TENT4B: variants seen among roughly 807,000 people sequenced by gnomAD.
TENT4B encodes PAP associated domain containing 5.
Under a neutral mutation model 75.0 loss-of-function variants are expected in TENT4B, and 10 were observed. That is an observed-to-expected ratio of 0.13 (90% CI 0.08 to 0.23). TENT4B has a LOEUF of 0.23. Among genes scored for constraint, TENT4B ranks in the 10% least tolerant of loss-of-function variants. TENT4B has a pLI of 1.00. For missense variants in TENT4B, 579 were observed against 893.8 expected (o/e 0.65, Z 4.49); for synonymous variants, 350 against 357.7 (o/e 0.98, Z 0.24).
Position 50,227,822 on chromosome 16 carries a change from C to T in TENT4B, c.1801-17C>T. On this transcript the variant is annotated splice_polypyrimidine_tract_variant and intron_variant, in intron 10 of 11. Coordinates refer to ENST00000561678, the MANE Select transcript of TENT4B (RefSeq NM_001365324.3). Reference sequence around the variant, plus strand: ...ATTACTAATATGTCACATTATAACTCACGTGACTTGTGTTAGGATTCCGAT... The same window carrying T: ...ATTACTAATATGTCACATTATAACTTACGTGACTTGTGTTAGGATTCCGAT... 1 of 1,612,720 alleles carries T rather than the reference C, an allele frequency of 6.2e-7. No homozygotes were observed. Among genetic ancestry groups the T allele is most frequent in the Admixed American group, 1.7e-5 (1 of 59,986 alleles).
chr16:50,190,252 C>T (rs1567493717), intron 1 of TENT4B, among the ~76,000 whole-genome samples: 1 of 151,836 alleles, frequency 6.6e-6, no homozygotes, highest in Non-Finnish European at 1.5e-5. Context: ...ATGATATCTA[C>T]TTGAGCTGTT....
chr16:50,184,814 G>C (rs755319332), intron 1 of TENT4B, among the ~76,000 whole-genome samples: 1 of 151,920 alleles, frequency 6.6e-6, no homozygotes, highest in Non-Finnish European at 1.5e-5. Context: ...AGCCTCCTCC[G>C]CCCCCTGGTT....
chr16:50,153,183 T>TGGGGGGGGGGGGGGGGGGGGG (rs760198722), upstream of TENT4B, among the ~76,000 whole-genome samples: 1 of 21,120 alleles, frequency 4.7e-5, no homozygotes, highest in Non-Finnish European at 9.5e-5. Flanking sequence ...GGCGGGGCGG[T>TGGGGGGGGGGGGGGGGGGGGG]GGGGGGGGGG....
At chr16:50,229,099 A>C (rs1216869758) in intron 11 of TENT4B, 53 bp from the exon 12 acceptor site, 1 of 1,590,858 alleles carries the variant, frequency 6.3e-7, no homozygotes, top group Non-Finnish European at 8.5e-7. Context: ...GTTTGAGAAC[A>C]CTCTGCTTTT....
chr16:50,222,132 C>CCATT (rs1159168550), intron 5 of TENT4B, among the ~76,000 whole-genome samples, 174 bp from the exon 6 acceptor site: 7 of 152,034 alleles, frequency 4.6e-5, no homozygotes, highest in African/African-American at 1.7e-4. Context: ...AAGGGGAGAA[C>CCATT]CATTCATTAC....
intron 5 of TENT4B, among the ~76,000 whole-genome samples, chr16:50,219,503 A>G (rs1325585513): frequency 2.0e-5 from 3 of 152,194 alleles, no homozygotes; most frequent in Non-Finnish European, 4.4e-5. Flanking sequence ...TGCTATTAGA[A>G]AAAGGGATTG....
intron 1 of TENT4B, among the ~76,000 whole-genome samples, chr16:50,182,930 G>A (rs2038449005): frequency 4.7e-5 from 1 of 21,494 alleles, no homozygotes; most frequent in Admixed American, 7.8e-4. Flanking sequence ...TTTGAGTTAG[G>A]CCAAGTTGCC....
intron 1 of TENT4B, among the ~76,000 whole-genome samples, chr16:50,168,641 A>G (rs894166039): frequency 6.8e-6 from 1 of 147,682 alleles, no homozygotes; most frequent in African/African-American, 2.5e-5. Flanking sequence ...AACAAATTCC[A>G]TATCACATAA....
intron 1 of TENT4B, among the ~76,000 whole-genome samples, chr16:50,210,860 A>G (rs954621683): frequency 6.6e-6 from 1 of 152,158 alleles, no homozygotes; most frequent in African/African-American, 2.4e-5. Flanking sequence ...TCTTTTCAAG[A>G]CTTTGCTGTT....
At chr16:50,180,818 G>A (rs576471949) in intron 1 of TENT4B, among the ~76,000 whole-genome samples, 2 of 152,262 alleles carry the variant, frequency 1.3e-5, no homozygotes, top group South Asian at 4.1e-4. Context: ...CCTCAAGAAG[G>A]GGCAGTGGGG....
At chr16:50,189,228 T>C (rs1175137603) in intron 1 of TENT4B, among the ~76,000 whole-genome samples, 1 of 152,214 alleles carries the variant, frequency 6.6e-6, no homozygotes, top group Non-Finnish European at 1.5e-5. Flanking sequence ...AGTTGGCTTT[T>C]ACCACATTAG....
At position 50,231,214 on chromosome 16, in the gene TENT4B, C is replaced by T. The variant is rs1454124362; in HGVS notation, c.*1886C>T. 1.0e-6 allele frequency: 1 copy of T among 984,904 alleles called. No individual in the cohort carries two copies. The highest frequency in any genetic ancestry group is 1.2e-6 in the Non-Finnish European group (1 of 829,266). 61.0% of individuals were successfully genotyped at this position (984,904 alleles called of 1,614,324 possible). ...TTGACAATGTTTTAAATTTTAGAGT[C>T]ACATTTTATTCTGATCAGAATTTTT... On this transcript the variant is annotated 3_prime_UTR_variant, in exon 12 of 12. Transcript: ENST00000561678.
At chr16:50,218,513 C>G (rs1354556561) in intron 5 of TENT4B, among the ~76,000 whole-genome samples, 3 of 151,936 alleles carry the variant, frequency 2.0e-5, no homozygotes, top group Admixed American at 1.3e-4. Flanking sequence ...GCCACCATGC[C>G]TGGCTAATTT....
In TENT4B at chr16:50,224,951, A is replaced by T; in HGVS notation, c.1569A>T (p.Ser523=). The T allele has an allele frequency of 6.2e-7, 1 of 1,613,962 alleles. No homozygotes were observed. The highest frequency in any genetic ancestry group is 8.5e-7 in the Non-Finnish European group (1 of 1,179,844). The stretch of plus-strand genomic sequence containing the variant: ...TTGCCACATATAGAGATTGGATATC[A>T]AAGCAGTGGGGCTTGAAGAATAGAC... ...DEVATYRDWI[S]KQWGLKNRPE... Residue 523 remains serine (S), a synonymous_variant, in exon 9 of 12, where the codon TCA becomes TCT. Transcript: ENST00000561678.
chr16:50,168,464 C>A (rs1386606189), intron 1 of TENT4B, among the ~76,000 whole-genome samples: 2 of 137,928 alleles, frequency 1.5e-5, no homozygotes, highest in African/African-American at 5.7e-5. Context: ...CCACACCCAG[C>A]TAATTTTTTT....
chr16:50,154,794 A>G (rs1198618286), intron 1 of TENT4B, among the ~76,000 whole-genome samples: 1 of 152,180 alleles, frequency 6.6e-6, no homozygotes, highest in Non-Finnish European at 1.5e-5. Flanking sequence ...AATCCCAGAC[A>G]GCAATTATGT....
chr16:50,201,713 C>T (rs529614382), intron 1 of TENT4B, among the ~76,000 whole-genome samples: 8 of 151,700 alleles, frequency 5.3e-5, no homozygotes, highest in Admixed American at 3.9e-4. Flanking sequence ...TGTGGTAGTG[C>T]GCACCTGTAA....
rs771882775 is a variant in TENT4B, at chr16:50,217,643, C to G, written c.1018C>G (p.Leu340Val). The G allele has an allele frequency of 1.3e-6, 2 of 1,526,616 alleles. No homozygotes were observed. Among genetic ancestry groups the G allele is most frequent in the African/African-American group, 2.8e-5 (2 of 71,348 alleles). The allele number at this position is 1,526,616 out of a possible 1,614,324, so 94.6% of individuals were successfully genotyped here. ...NVQNGVRAAD[L>V]IKDFTKKYPV... ...ACAGAATGGCGTGAGAGCAGCTGAC[C>G]TCATCAAAGATTTTACCAAGGTCAG... is the stretch of plus-strand genomic sequence containing the variant. The change falls in exon 5 of 12, where the codon CTC becomes GTC. Residue 340 changes from leucine to valine, a missense_variant. Coordinates refer to ENST00000561678, the MANE Select transcript of TENT4B (RefSeq NM_001365324.3).
rs371245184 is a variant in TENT4B at position 50,186,093 on chromosome 16, C to T, written c.639-25230C>T. The stretch of plus-strand genomic sequence containing the variant: ...ACCATTTTAGCCATTTTTAAGTTTA[C>T]AAGTCAGTGGCATTAAGTACATTCA... On this transcript the variant is annotated intron_variant, in intron 1 of 11. Transcript: ENST00000561678. Among the ~76,000 whole-genome samples the T allele has an allele frequency of 4.6e-5, 7 of 152,192 alleles. No homozygotes were observed. In the South Asian group the frequency reaches 1.2e-3, roughly 27 times the overall value.
Sources: gnomAD v4.1 joint callset for allele counts (sites outside exome capture counted in the v4.1 genomes callset) on GRCh38, gnomAD v4.1.1 for gene constraint, MANE v1.5 for transcripts, NCBI Gene and HGNC (gene_info 2026-07-23, HGNC 2026-07-21) for gene names.